MAPK10: variants seen among roughly 807,000 people sequenced by gnomAD.
MAPK10 encodes mitogen-activated protein kinase 10, also known as JNK3 alpha protein kinase.
A neutral mutation model predicts 59.3 loss-of-function variants in MAPK10; 25 were observed. The ratio of observed to expected loss-of-function variants is 0.42; its 90% CI spans 0.31 to 0.59. MAPK10 has a LOEUF of 0.59. MAPK10 is among the 20% of genes least tolerant of loss of function. The probability of loss-of-function intolerance (pLI) is 0.15; values close to 1 mark genes in which losing one functional copy is unlikely to be tolerated. For missense variants in MAPK10, 351 were observed against 568.9 expected, an observed-to-expected ratio of 0.62 and a Z score of 3.90; for synonymous variants, 190 against 200.5, an observed-to-expected ratio of 0.95 and a Z score of 0.44.
intron 3 of MAPK10, among the ~76,000 whole-genome samples, chr4:86,166,490 G>A (rs922198786): frequency 2.0e-5 from 3 of 151,892 alleles, no homozygotes; most frequent in African/African-American, 7.3e-5. Flanking sequence ...TGAGAAGTTA[G>A]ACAACATTTA....
At chr4:86,358,349 G>C (rs772341170) in intron 1 of MAPK10, 46 of 985,316 alleles carry the variant, frequency 4.7e-5, no homozygotes, top group Non-Finnish European at 5.4e-5. Context: ...ATTGGATGTT[G>C]TGCTGGCAAT....
At chr4:86,128,930 C>T (rs1458930568) in intron 4 of MAPK10, among the ~76,000 whole-genome samples, 3 of 151,914 alleles carry the variant, frequency 2.0e-5, no homozygotes, top group African/African-American at 4.8e-5. Context: ...TCCACTAAGA[C>T]GGCAGTATAA....
At chr4:86,166,629 A>G (rs893634403) in intron 3 of MAPK10, among the ~76,000 whole-genome samples, 2 of 152,180 alleles carry the variant, frequency 1.3e-5, no homozygotes, top group African/African-American at 2.4e-5. Context: ...TCAGAATTAC[A>G]GGATAAGAAG....
chr4:86,210,653 T>C (rs2085510225), intron 2 of MAPK10, among the ~76,000 whole-genome samples: 1 of 151,466 alleles, frequency 6.6e-6, no homozygotes, highest in South Asian at 2.1e-4. Flanking sequence ...TTAAAAACTT[T>C]AAAAGGAATA....
intron 1 of MAPK10, among the ~76,000 whole-genome samples, chr4:86,525,708 T>C (rs1757432229): frequency 6.6e-6 from 1 of 152,254 alleles, no homozygotes; most frequent in Non-Finnish European, 1.5e-5. Flanking sequence ...GAGTATTCTT[T>C]CTGAAGTAAG....
rs535302937 is a variant in MAPK10, at chr4:86,067,810, G to A, written c.948C>T (p.Ser316=). Residue 316 remains serine (S), a synonymous_variant, in exon 10 of 14, where the codon TCC becomes TCT. Coordinates refer to ENST00000641462, the MANE Select transcript of MAPK10 (RefSeq NM_138982.4). The part of the protein sequence containing the change: ...GLTFPKLFPD[S]LFPADSEHNK... Reference sequence around the variant, plus strand: ...TGTGCTCGGAGTCCGCTGGGAAGAGGGAATCTGGGAAGAGTTTGGGGAAGG... The same window carrying A: ...TGTGCTCGGAGTCCGCTGGGAAGAGAGAATCTGGGAAGAGTTTGGGGAAGG... The A allele has an allele frequency of 6.2e-7, 1 of 1,613,694 alleles. No homozygotes were observed. Among genetic ancestry groups the A allele is most frequent in the East Asian group, 2.2e-5 (1 of 44,868 alleles).
chr4:86,450,656 A>G (rs181303307), intron 1 of MAPK10, among the ~76,000 whole-genome samples: 244 of 152,336 alleles, frequency 1.6e-3, no homozygotes, highest in African/African-American at 5.5e-3. Context: ...AGTTATAACT[A>G]TAACAACATT....
At chr4:86,433,069 T>C (rs1324557194) in intron 1 of MAPK10, among the ~76,000 whole-genome samples, 2 of 152,202 alleles carry the variant, frequency 1.3e-5, no homozygotes, top group African/African-American at 4.8e-5. Context: ...ACCCTCCTCT[T>C]GTAGATTTTT....
At chr4:86,578,785 T>C (rs944723025) in intron 1 of MAPK10, among the ~76,000 whole-genome samples, 2 of 151,636 alleles carry the variant, frequency 1.3e-5, no homozygotes, top group African/African-American at 4.9e-5. Flanking sequence ...TAAGAGAACT[T>C]TTGTCTTGAT....
At chr4:86,109,011 G>A (rs1043020800) in intron 4 of MAPK10, among the ~76,000 whole-genome samples, 2 of 152,142 alleles carry the variant, frequency 1.3e-5, no homozygotes, top group African/African-American at 4.8e-5. Flanking sequence ...ACTCCAGTGT[G>A]TCAATATGCT....
chr4:86,177,859 A>G (rs1201895834), intron 3 of MAPK10, among the ~76,000 whole-genome samples: 1 of 152,116 alleles, frequency 6.6e-6, no homozygotes, highest in Non-Finnish European at 1.5e-5. Flanking sequence ...TATTATATAT[A>G]CACATATAGT....
At position 86,299,509 on chromosome 4, in the gene MAPK10, G is replaced by T. The variant is rs145499902; in HGVS notation, c.-7+55021C>A. Among the ~76,000 whole-genome samples, 33 of 152,272 alleles carry T rather than the reference G, an allele frequency of 2.2e-4. No individual in the cohort carries two copies. The East Asian group carries it at 6.0e-3, about 28-fold the overall frequency. ...AGATGCCTGTCTAGGAAACGAGACCGCACCAGAGGTGGAATTTGCCTGTAC... is the reference window on the plus strand; with the variant it reads ...AGATGCCTGTCTAGGAAACGAGACCTCACCAGAGGTGGAATTTGCCTGTAC... On this transcript the variant is annotated intron_variant, in intron 2 of 13. Coordinates refer to ENST00000641462, the MANE Select transcript of MAPK10 (RefSeq NM_138982.4).
At chr4:86,409,862 C>CT (rs1208746330) in intron 1 of MAPK10, among the ~76,000 whole-genome samples, 2 of 152,194 alleles carry the variant, frequency 1.3e-5, no homozygotes, top group Non-Finnish European at 2.9e-5. Flanking sequence ...GACAATTTGA[C>CT]TTTCTCTTTT....
intron 1 of MAPK10, among the ~76,000 whole-genome samples, chr4:86,397,884 A>C (rs1010286012): frequency 1.3e-4 from 19 of 151,632 alleles, no homozygotes; most frequent in South Asian, 4.2e-4. Flanking sequence ...AAAAAAAAAA[A>C]AAAAAACTGG....
chr4:86,115,890 G>A lies in MAPK10; in HGVS notation c.237-8538C>T, dbSNP rs1394901461. ...GTGCTGCTCTTACACTAATATGTCA[G>A]CACTGGTGCTTCTGTGCTTGTGTTT... is the stretch of plus-strand genomic sequence containing the variant. On this transcript the variant is annotated intron_variant, in intron 4 of 13. Transcript: ENST00000641462. Among the ~76,000 whole-genome samples, 3 of 152,330 alleles carry A rather than the reference G, an allele frequency of 2.0e-5. No homozygotes were observed. In the East Asian group the frequency reaches 5.8e-4, roughly 29 times the overall value.
intron 1 of MAPK10, among the ~76,000 whole-genome samples, chr4:86,400,579 G>A (rs183392787): frequency 4.3e-4 from 66 of 152,194 alleles, no homozygotes; most frequent in Admixed American, 5.2e-4. Context: ...CTCAAACCAG[G>A]ATATTGTTGA....
chr4:86,429,030 G>T (rs1426971800), intron 1 of MAPK10, among the ~76,000 whole-genome samples: 1 of 152,124 alleles, frequency 6.6e-6, no homozygotes, highest in African/African-American at 2.4e-5. Flanking sequence ...ATCGCTATAT[G>T]TGAATAATAA....
rs187334930 is a variant in MAPK10, at chr4:86,375,247, G to A, written c.-121-20603C>T. On this transcript the variant is annotated intron_variant, in intron 1 of 13. Transcript: ENST00000361569. The stretch of plus-strand genomic sequence containing the variant: ...TATTTTGTGAGAAATGTCTAGAAAC[G>A]TACAAAAGGAACCAGCCAATGGTAA... Among the ~76,000 whole-genome samples the A allele has an allele frequency of 3.9e-5, 6 of 152,114 alleles. No homozygotes were observed. In the East Asian group the frequency reaches 7.7e-4, roughly 20 times the overall value.
chr4:86,261,091 A>T (rs1027999016), intron 2 of MAPK10, among the ~76,000 whole-genome samples: 2 of 152,228 alleles, frequency 1.3e-5, no homozygotes, highest in Non-Finnish European at 2.9e-5. Context: ...ATTTTTCATG[A>T]CACAGAAAAT....
Sources: gnomAD v4.1 joint callset for allele counts (sites outside exome capture counted in the v4.1 genomes callset) on GRCh38, gnomAD v4.1.1 for gene constraint, MANE v1.5 for transcripts, NCBI Gene and HGNC (gene_info 2026-07-23, HGNC 2026-07-21) for gene names.